ZNF618: variants seen among roughly 807,000 people sequenced by gnomAD.
The protein encoded by ZNF618 is zinc finger protein 618.
Under a neutral mutation model 103.0 loss-of-function variants are expected in ZNF618, and 34 were observed. The ratio of observed to expected loss-of-function variants is 0.33; its 90% CI spans 0.25 to 0.44. The LOEUF (loss-of-function observed/expected upper bound fraction) is 0.44, where lower values mean the gene tolerates loss of function less well. ZNF618 is among the 20% of genes least tolerant of loss of function. The pLI is 1.00. For missense variants in ZNF618, 1,059 were observed against 1,295.4 expected, an observed-to-expected ratio of 0.82 and a Z score of 2.80; for synonymous variants, 551 against 542.2, an observed-to-expected ratio of 1.02 and a Z score of -0.23.
At chr9:114,009,281 G>C (rs1842037069) in intron 9 of ZNF618, among the ~76,000 whole-genome samples, 1 of 152,166 alleles carries the variant, frequency 6.6e-6, no homozygotes, top group Non-Finnish European at 1.5e-5. Flanking sequence ...ATGGGGACGA[G>C]GGTAGGGGAT....
intron 1 of ZNF618, among the ~76,000 whole-genome samples, chr9:113,953,916 A>G (rs1161254201): frequency 6.6e-6 from 1 of 152,166 alleles, no homozygotes; most frequent in African/African-American, 2.4e-5. Flanking sequence ...TATCTTTTGA[A>G]TAGTCCAGGC....
Position 113,988,803 on chromosome 9 carries a change from A to G in ZNF618, c.337+223A>G, listed in dbSNP as rs529326423. ...TGTTTCTGCTGGGCAGCAGAACCCT[A>G]TCCATCCATCAATACCCTGTTTAAG... On this transcript the variant is annotated intron_variant, in intron 3 of 14. Coordinates refer to ENST00000374126, the MANE Select transcript of ZNF618 (RefSeq NM_001318042.2). Among the ~76,000 whole-genome samples the G allele has an allele frequency of 1.4e-3, 216 of 152,304 alleles. 2 individuals are homozygous for G. The highest frequency in any genetic ancestry group is 9.9e-3 in the South Asian group (48 of 4,826).
intron 1 of ZNF618, among the ~76,000 whole-genome samples, chr9:113,913,542 A>C (rs952019051): frequency 6.6e-6 from 1 of 152,228 alleles, no homozygotes; most frequent in Non-Finnish European, 1.5e-5. Flanking sequence ...CTGACCACTA[A>C]GGCAGGCCTC....
intron 12 of ZNF618, chr9:114,035,149 A>G: frequency 3.0e-6 from 3 of 985,166 alleles, no homozygotes; most frequent in Non-Finnish European, 3.6e-6. Flanking sequence ...AGCACAGAAC[A>G]GCAGAACTAG....
chr9:113,917,235 CTTTTTT>C (rs56300784), intron 1 of ZNF618, among the ~76,000 whole-genome samples: 9 of 74,246 alleles, frequency 1.2e-4, no homozygotes, highest in Admixed American at 1.9e-4. Flanking sequence ...TCTCTCTATC[CTTTTTT>C]TTTTTTTTTT....
Position 113,977,143 on chromosome 9 carries a change from A to G in ZNF618, c.77+7983A>G, listed in dbSNP as rs368790706. ...TGCTAGAGACTGCAGGGTGGAGGGG[A>G]GGAGGGCAGTTGTAATGCCAGGACG... On this transcript the variant is annotated intron_variant, in intron 2 of 14. Coordinates refer to ENST00000374126, the MANE Select transcript of ZNF618 (RefSeq NM_001318042.2). Among the ~76,000 whole-genome samples, 7 of 151,838 alleles carry G rather than the reference A, an allele frequency of 4.6e-5. No individual in the cohort carries two copies. In the East Asian group the frequency reaches 9.7e-4, roughly 21 times the overall value.
intron 12 of ZNF618, 84 bp downstream of exon 12, chr9:114,032,812 G>A: frequency 6.4e-6 from 8 of 1,244,228 alleles, no homozygotes; most frequent in Middle Eastern, 1.9e-4. Context: ...AGCATCCTGT[G>A]GGCTGGGGTC....
intron 1 of ZNF618, among the ~76,000 whole-genome samples, chr9:113,897,781 G>T (rs1217115633): frequency 3.3e-5 from 5 of 151,854 alleles, no homozygotes; most frequent in South Asian, 4.2e-4. Flanking sequence ...ACTGGATTTC[G>T]TTTTTTGTTT....
At chr9:113,954,782 G>A (rs950093094) in intron 1 of ZNF618, among the ~76,000 whole-genome samples, 3 of 152,204 alleles carry the variant, frequency 2.0e-5, no homozygotes, top group Non-Finnish European at 4.4e-5. Flanking sequence ...AGTTTAACCA[G>A]TAGGATGCTC....
Position 113,902,125 on chromosome 9 carries a change from G to A in ZNF618, c.33+25712G>A, listed in dbSNP as rs371878480. 6.6e-5 allele frequency among the ~76,000 whole-genome samples: 10 copies of A among 152,166 alleles called. No homozygotes were observed. The East Asian group carries it at 1.9e-3, about 30-fold the overall frequency. ...AGCTGCCTACGTGAGGGTGGAGAGT[G>A]CAGACACCGGAGTTCGCCAGCCTGG... is the stretch of plus-strand genomic sequence containing the variant. On this transcript the variant is annotated intron_variant, in intron 1 of 14. Transcript: ENST00000374126.
chr9:113,940,666 G>A (rs1031986324), intron 1 of ZNF618, among the ~76,000 whole-genome samples: 1 of 151,428 alleles, frequency 6.6e-6, no homozygotes, highest in Non-Finnish European at 1.5e-5. Flanking sequence ...GTGTAGTTTT[G>A]TCCATTATTT....
At chr9:113,930,906 C>T (rs1032281181) in intron 1 of ZNF618, among the ~76,000 whole-genome samples, 11 of 152,042 alleles carry the variant, frequency 7.2e-5, no homozygotes, top group Admixed American at 1.3e-4. Flanking sequence ...TATTCGGGGG[C>T]AGCAAAGGAA....
At position 114,028,848 on chromosome 9, in the gene ZNF618, G is replaced by A. The variant is rs184266002; in HGVS notation, c.960G>A (p.Ser320=). The A allele has an allele frequency of 1.2e-4, 192 of 1,550,570 alleles. No homozygotes were observed. The East Asian group carries it at 4.0e-3, about 32-fold the overall frequency. ...CAGCGAAGACCCAGACGAACCAGTCGGGGAAAAAAGCTCCGGCCTCCGTGG... is the reference window on the plus strand; with the variant it reads ...CAGCGAAGACCCAGACGAACCAGTCAGGGAAAAAAGCTCCGGCCTCCGTGG... ...FVAAKTQTNQ[S]GKKAPASVVR... is the part of the protein sequence containing the mutation. The change falls in exon 11 of 15, where the codon TCG becomes TCA. Residue 320 remains serine, a synonymous_variant. Transcript: ENST00000374126.
At chr9:113,953,195 G>A (rs954662418) in intron 1 of ZNF618, among the ~76,000 whole-genome samples, 5 of 152,214 alleles carry the variant, frequency 3.3e-5, no homozygotes, top group African/African-American at 4.8e-5. Flanking sequence ...CTCCCAGGTG[G>A]AGCTTGGATG....
chr9:114,041,194 G>A (rs1396195901), intron 13 of ZNF618, among the ~76,000 whole-genome samples: 4 of 151,958 alleles, frequency 2.6e-5, no homozygotes, highest in African/African-American at 9.7e-5. Flanking sequence ...TTTCTTGTAA[G>A]TTTGTTTGAG....
Position 114,051,461 on chromosome 9 carries a change from A to T in ZNF618, c.*1294A>T, listed in dbSNP as rs1206471387. The T allele has an allele frequency of 6.5e-6, 1 of 152,702 alleles. No homozygotes were observed. The highest frequency in any genetic ancestry group is 2.4e-5 in the African/African-American group (1 of 41,420). 9.5% of individuals were successfully genotyped at this position (152,702 alleles called of 1,614,324 possible). A position where few individuals can be genotyped will look rare whatever the true frequency, so the allele number is the denominator to read the frequency against. ...TCCTGGTCCGCTGTGCGTGGTACCCAGTGTGCATCACACTACTCACCCCCT... is the reference window on the plus strand; with the variant it reads ...TCCTGGTCCGCTGTGCGTGGTACCCTGTGTGCATCACACTACTCACCCCCT... On this transcript the variant is annotated 3_prime_UTR_variant, in exon 15 of 15. Coordinates refer to ENST00000374126, the MANE Select transcript of ZNF618 (RefSeq NM_001318042.2).
At chr9:113,996,192 G>A (rs751880621) in intron 3 of ZNF618, among the ~76,000 whole-genome samples, 1 of 152,086 alleles carries the variant, frequency 6.6e-6, no homozygotes, top group Non-Finnish European at 1.5e-5. Context: ...CCTGTCATTC[G>A]GCAAGCCCTG....
At chr9:113,929,078 C>T (rs1833347634) in intron 1 of ZNF618, among the ~76,000 whole-genome samples, 1 of 152,070 alleles carries the variant, frequency 6.6e-6, no homozygotes, top group Non-Finnish European at 1.5e-5. Context: ...TATTTTCCAC[C>T]CCCAACTCCA....
intron 11 of ZNF618, among the ~76,000 whole-genome samples, chr9:114,031,741 A>G (rs954611213): frequency 1.4e-4 from 22 of 152,070 alleles, no homozygotes; most frequent in Admixed American, 1.2e-3. Flanking sequence ...TCTTTGGGCA[A>G]ATTGTTTCTC....
Sources: gnomAD v4.1 joint callset for allele counts (sites outside exome capture counted in the v4.1 genomes callset) on GRCh38, gnomAD v4.1.1 for gene constraint, MANE v1.5 for transcripts, NCBI Gene and HGNC (gene_info 2026-07-23, HGNC 2026-07-21) for gene names.